The following GRIK4 variants were observed in gnomAD, a reference collection of about 807,000 sequenced individuals.
GRIK4 encodes glutamate receptor ionotropic, kainate 4.
A neutral mutation model predicts 104.9 loss-of-function variants in GRIK4; 40 were observed. That is an observed-to-expected ratio of 0.38 (90% CI 0.30 to 0.50). GRIK4 has a LOEUF of 0.50. GRIK4 is among the 20% of genes least tolerant of loss of function. The pLI is 0.93. For synonymous variants in GRIK4, 485 were observed against 524.9 expected, an observed-to-expected ratio of 0.92 and a Z score of 1.04; for missense variants, 1,047 against 1,308.1, an observed-to-expected ratio of 0.80 and a Z score of 3.08.
At chr11:120,843,973 C>T (rs1591982327) in intron 8 of GRIK4, among the ~76,000 whole-genome samples, 1 of 152,224 alleles carries the variant, frequency 6.6e-6, no homozygotes, top group East Asian at 1.9e-4. Context: ...CCCTCCATGC[C>T]CCAGTCTCTA....
intron 11 of GRIK4, among the ~76,000 whole-genome samples, chr11:120,878,892 A>C (rs1002369257): frequency 2.0e-5 from 3 of 152,172 alleles, no homozygotes; most frequent in Admixed American, 2.0e-4. Flanking sequence ...CTCTGCGCAA[A>C]TATTCTCCCA....
intron 2 of GRIK4, among the ~76,000 whole-genome samples, chr11:120,658,494 T>G (rs1361360934): frequency 6.6e-6 from 1 of 152,196 alleles, no homozygotes; most frequent in Non-Finnish European, 1.5e-5. Flanking sequence ...CTACTACCAC[T>G]GCATAAGAGT....
chr11:120,852,581 T>C (rs962558122), intron 8 of GRIK4, among the ~76,000 whole-genome samples: 8 of 152,176 alleles, frequency 5.3e-5, no homozygotes, highest in African/African-American at 1.9e-4. Context: ...AATCCAAAGC[T>C]GGGAGATTTA....
intron 1 of GRIK4, among the ~76,000 whole-genome samples, chr11:120,529,352 A>G (rs1480457085): frequency 6.6e-6 from 1 of 152,244 alleles, no homozygotes; most frequent in African/African-American, 2.4e-5. Context: ...AGCACCAAAG[A>G]GAGGAGCAAG....
chr11:120,679,814 C>T (rs1303370028), intron 3 of GRIK4, among the ~76,000 whole-genome samples: 1 of 152,194 alleles, frequency 6.6e-6, no homozygotes, highest in Non-Finnish European at 1.5e-5. Flanking sequence ...GGGAAGCCTT[C>T]ACAGGCAGGC....
intron 11 of GRIK4, among the ~76,000 whole-genome samples, chr11:120,890,119 T>C (rs574513318): frequency 6.6e-6 from 1 of 152,304 alleles, no homozygotes; most frequent in Admixed American, 6.5e-5. Context: ...ATGGTACCGT[T>C]AAATGGTACC....
chr11:120,960,778 C>T (rs1295182235), intron 16 of GRIK4, 131 bp from the exon 17 acceptor site: 2 of 637,154 alleles, frequency 3.1e-6, no homozygotes, highest in Non-Finnish European at 5.4e-6. Context: ...TTTCTCTTCC[C>T]CCACTAAGCT....
chr11:120,627,083 G>A (rs1191160738), intron 1 of GRIK4, among the ~76,000 whole-genome samples: 1 of 152,118 alleles, frequency 6.6e-6, no homozygotes, highest in Non-Finnish European at 1.5e-5. Context: ...TGAGAGCCCC[G>A]GTCTGTGTGT....
chr11:120,649,575 T>C (rs755293069), intron 1 of GRIK4, among the ~76,000 whole-genome samples: 4 of 152,194 alleles, frequency 2.6e-5, no homozygotes, highest in Non-Finnish European at 5.9e-5. Flanking sequence ...TAGCCCTCGC[T>C]GGCTTCAGGT....
intron 3 of GRIK4, among the ~76,000 whole-genome samples, chr11:120,723,927 A>G (rs1428302193): frequency 6.6e-6 from 1 of 151,926 alleles, no homozygotes; most frequent in Non-Finnish European, 1.5e-5. Flanking sequence ...ATCTGGAACC[A>G]TTGCAGTGCC....
chr11:120,791,836 CT>C (rs1337925102), intron 3 of GRIK4, among the ~76,000 whole-genome samples: 2 of 152,064 alleles, frequency 1.3e-5, no homozygotes, highest in Admixed American at 6.6e-5. Context: ...TGTGTAAAGA[CT>C]TTTTTTCCCC....
At chr11:120,790,076 C>A (rs1952365204) in intron 3 of GRIK4, among the ~76,000 whole-genome samples, 1 of 152,116 alleles carries the variant, frequency 6.6e-6, no homozygotes, top group African/African-American at 2.4e-5. Flanking sequence ...TTTCCCAGCA[C>A]ATGAACAGCT....
At chr11:120,698,843 A>G (rs1178370038) in intron 3 of GRIK4, among the ~76,000 whole-genome samples, 1 of 151,922 alleles carries the variant, frequency 6.6e-6, no homozygotes, top group East Asian at 1.9e-4. Flanking sequence ...AGTTACCCCC[A>G]CTCTAAGTGC....
intron 1 of GRIK4, chr11:120,564,803 C>T (rs1948292894): frequency 1.3e-5 from 2 of 149,022 alleles, no homozygotes; most frequent in Admixed American, 1.3e-4. Context: ...CGCCTCGCCC[C>T]TCGAGGCTCC....
intron 3 of GRIK4, among the ~76,000 whole-genome samples, chr11:120,675,280 A>G (rs1047125293): frequency 6.6e-6 from 1 of 152,098 alleles, no homozygotes. Context: ...TCTCTGGGAG[A>G]GTTGCTGCAG....
At chr11:120,944,296 C>T (rs1371142836) in intron 14 of GRIK4, among the ~76,000 whole-genome samples, 5 of 151,792 alleles carry the variant, frequency 3.3e-5, no homozygotes, top group Non-Finnish European at 7.4e-5. Flanking sequence ...CCAACTCTCC[C>T]TGGATAATCT....
chr11:120,790,394 G>A (rs563184801), intron 3 of GRIK4, among the ~76,000 whole-genome samples: 1 of 152,294 alleles, frequency 6.6e-6, no homozygotes, highest in African/African-American at 2.4e-5. Flanking sequence ...AAAGTGTGGG[G>A]TGGAGCAGTT....
intron 1 of GRIK4, among the ~76,000 whole-genome samples, chr11:120,608,103 C>T (rs1241499522): frequency 6.6e-6 from 1 of 152,086 alleles, no homozygotes; most frequent in Non-Finnish European, 1.5e-5. Flanking sequence ...GGTTTTTGAG[C>T]AAGGAAGTGT....
chr11:120,566,681 A>C (rs1948328157), intron 1 of GRIK4, among the ~76,000 whole-genome samples: 1 of 148,768 alleles, frequency 6.7e-6, no homozygotes, highest in South Asian at 2.1e-4. Context: ...ATATCACAAG[A>C]TTTTTTTTCT....
Sources: gnomAD v4.1 joint callset for allele counts (sites outside exome capture counted in the v4.1 genomes callset) on GRCh38, gnomAD v4.1.1 for gene constraint, MANE v1.5 for transcripts, NCBI Gene and HGNC (gene_info 2026-07-23, HGNC 2026-07-21) for gene names.